LRRC37A2: variants seen among roughly 807,000 people sequenced by gnomAD.
LRRC37A2 encodes the protein leucine-rich repeat-containing protein 37A2.
A neutral mutation model predicts 68.8 loss-of-function variants in LRRC37A2; 9 were observed. The ratio of observed to expected loss-of-function variants is 0.13; its 90% CI spans 0.08 to 0.23. The LOEUF is 0.23. Ranked by LOEUF, LRRC37A2 falls within the 10% of genes least tolerant of loss-of-function variation. The pLI is 1.00. For synonymous variants in LRRC37A2, 63 were observed against 367.6 expected (o/e 0.17, Z 9.48); for missense variants, 168 against 950.4 (o/e 0.18, Z 10.82).
the LRRC37A2 span, among the ~76,000 whole-genome samples, chr17:46,764,895 C>A: frequency 6.6e-5 from 10 of 152,220 alleles, no homozygotes; most frequent in African/African-American, 2.4e-4. Context: ...CCTTGGGCAA[C>A]AGGAAGCCCA....
chr17:46,493,601 G>A, the LRRC37A2 span, among the ~76,000 whole-genome samples: 25 of 147,598 alleles, frequency 1.7e-4, 1 homozygote, highest in Admixed American at 6.7e-4. Context: ...GCAGTGGCGC[G>A]ATCTTGACTC....
At chr17:46,913,104 A>G in the LRRC37A2 span, among the ~76,000 whole-genome samples, 1 of 152,222 alleles carries the variant, frequency 6.6e-6, no homozygotes, top group Non-Finnish European at 1.5e-5. Flanking sequence ...GGCACTTTGC[A>G]CTGATTCCAG....
At chr17:46,931,108 A>G in the LRRC37A2 span, 11 of 1,583,748 alleles carry the variant, frequency 6.9e-6, no homozygotes, top group Non-Finnish European at 9.5e-6. Flanking sequence ...GTAGTAGAAA[A>G]CGAAATCCAA....
chr17:46,815,885 C>T, the LRRC37A2 span, among the ~76,000 whole-genome samples: 1 of 152,160 alleles, frequency 6.6e-6, no homozygotes, highest in African/African-American at 2.4e-5. Context: ...TCATTCATAC[C>T]CACAGGTAGA....
the LRRC37A2 span, chr17:46,916,898 T>C: frequency 6.6e-6 from 1 of 152,172 alleles, no homozygotes; most frequent in Admixed American, 6.5e-5. Flanking sequence ...AGACAGACAA[T>C]GGCAGCCAAA....
At chr17:46,861,387 C>T in the LRRC37A2 span, among the ~76,000 whole-genome samples, 2 of 152,152 alleles carry the variant, frequency 1.3e-5, no homozygotes, top group Non-Finnish European at 2.9e-5. Context: ...AGCGTCCTCT[C>T]CCTTTCACTG....
chr17:46,769,988 G>A, the LRRC37A2 span: 1 of 1,607,378 alleles, frequency 6.2e-7, no homozygotes. Context: ...GCAGGAGCGG[G>A]TGACGGCGAA....
chr17:47,021,764 C>T, the LRRC37A2 span: 5 of 939,598 alleles, frequency 5.3e-6, no homozygotes, highest in African/African-American at 1.8e-5. Flanking sequence ...TTCTGAATAT[C>T]CCCAACAAGG....
At chr17:46,888,275 G>A in the LRRC37A2 span, among the ~76,000 whole-genome samples, 7 of 152,128 alleles carry the variant, frequency 4.6e-5, no homozygotes, top group Admixed American at 2.0e-4. Flanking sequence ...GGATGCAGGT[G>A]TCAATGGAAG....
chr17:46,964,375 G>GT, the LRRC37A2 span: 1 of 152,228 alleles, frequency 6.6e-6, no homozygotes, highest in Non-Finnish European at 1.5e-5. Context: ...TCTGATGGAG[G>GT]TGATCTGAGA....
the LRRC37A2 span, among the ~76,000 whole-genome samples, chr17:46,790,482 C>T: frequency 2.6e-5 from 4 of 152,170 alleles, no homozygotes; most frequent in South Asian, 6.2e-4. Context: ...GAAGCACTGC[C>T]CTAGGTCACA....
the LRRC37A2 span, among the ~76,000 whole-genome samples, chr17:46,768,040 G>A: frequency 2.0e-5 from 3 of 152,166 alleles, no homozygotes; most frequent in South Asian, 4.2e-4. The surrounding 1 kb of genome is among the most constrained non-coding windows in gnomAD (Gnocchi z 5.0). Context: ...CGTCCACCTC[G>A]GCCTCCCAAA....
chr17:46,806,453 C>T, the LRRC37A2 span, among the ~76,000 whole-genome samples: 10 of 152,278 alleles, frequency 6.6e-5, no homozygotes, highest in African/African-American at 2.4e-4. Context: ...AGGTGATCTG[C>T]CTGCCTTTGT....
the LRRC37A2 span, among the ~76,000 whole-genome samples, chr17:46,825,006 GCCATGTGCCACA>G: frequency 6.6e-6 from 1 of 152,212 alleles, no homozygotes; most frequent in African/African-American, 2.4e-5. Flanking sequence ...TGCCTCTCCA[GCCATGTGCCACA>G]CCTCTTTCTC....
the LRRC37A2 span, among the ~76,000 whole-genome samples, chr17:46,852,408 G>GTA: frequency 2.7e-5 from 4 of 149,540 alleles, no homozygotes; most frequent in Non-Finnish European, 6.0e-5. Flanking sequence ...GTGTGTGTGT[G>GTA]TGTGTGTGTG....
At chr17:46,869,996 C>CA in the LRRC37A2 span, among the ~76,000 whole-genome samples, 58 of 143,264 alleles carry the variant, frequency 4.0e-4, no homozygotes, top group African/African-American at 7.1e-4. Context: ...AAGACTGTCT[C>CA]AAAAAAAAAA....
At chr17:46,773,709 A>G in the LRRC37A2 span, 4 of 1,471,190 alleles carry the variant, frequency 2.7e-6, no homozygotes, top group African/African-American at 1.5e-5. Flanking sequence ...GCTGTCATCT[A>G]TGGTGGTGCA....
At chr17:46,742,337 TGAA>T in the LRRC37A2 span, among the ~76,000 whole-genome samples, 2 of 152,230 alleles carry the variant, frequency 1.3e-5, no homozygotes, top group African/African-American at 4.8e-5. Context: ...AAAGTAATAA[TGAA>T]GGAGTGATCT....
chr17:46,673,911 GTGTGTGTGT>G, the LRRC37A2 span, among the ~76,000 whole-genome samples: 2 of 5,482 alleles, frequency 3.6e-4, 1 homozygote, highest in Non-Finnish European at 2.5e-3. Flanking sequence ...TTCCATGGGG[GTGTGTGTGT>G]GTGTGTGTGT....
Sources: allele counts gnomAD v4.1 joint callset (sites outside exome capture counted in the v4.1 genomes callset), GRCh38; gene constraint gnomAD v4.1.1; non-coding constraint Gnocchi (gnomAD v3.1); transcripts MANE v1.5; gene names NCBI Gene and HGNC (gene_info 2026-07-23, HGNC 2026-07-21).